The following CCDC194 variants were observed in gnomAD, a reference collection of about 807,000 sequenced individuals.
CCDC194 encodes the protein coiled-coil domain-containing protein 194.
A neutral mutation model predicts 4.9 loss-of-function variants in CCDC194; 8 were observed. That is an observed-to-expected ratio of 1.65 (90% CI 0.97 to 2.97). CCDC194 has a LOEUF of 2.97. Ranked by LOEUF, CCDC194 falls within the 30% of genes most tolerant of loss-of-function variation. The probability of loss-of-function intolerance (pLI) is 0.00; values close to 1 mark genes in which losing one functional copy is unlikely to be tolerated. For synonymous variants in CCDC194, 13 were observed against 17.0 expected, an observed-to-expected ratio of 0.76 and a Z score of 0.58; for missense variants, 52 against 43.1, an observed-to-expected ratio of 1.21 and a Z score of -0.58.
At chr19:17,394,170 C>T (rs994045431), upstream of CCDC194, 6 of 391,088 alleles carry the variant, frequency 1.5e-5, no homozygotes, top group African/African-American at 1.0e-4. Context: ...CCGCGGTCCA[C>T]AGCTCTGGCC....
chr19:17,391,201 C>T lies in CCDC194; in HGVS notation c.554+10G>A, dbSNP rs2074653086. 5.0e-6 allele frequency: 2 copies of T among 399,094 alleles called. No individual in the cohort carries two copies. Among genetic ancestry groups the T allele is most frequent in the Non-Finnish European group, 4.4e-6 (1 of 226,518 alleles). 24.7% of individuals were successfully genotyped at this position (399,094 alleles called of 1,614,324 possible). ...ATCCGACCCCGCCCTCGGGCCAGCC[C>T]CTCACTCACAGGCGTTCGCGCAGCG... On this transcript the variant is annotated intron_variant, in intron 3 of 3. Coordinates refer to ENST00000636079, the Ensembl canonical transcript of CCDC194.
At chr19:17,389,069 G>T (rs2074645350), downstream of CCDC194, among the ~76,000 whole-genome samples, 1 of 152,116 alleles carries the variant, frequency 6.6e-6, no homozygotes, top group East Asian at 1.9e-4. Context: ...TGAACTCCTG[G>T]GCTCAAGTGA....
rs1216549854 is a variant in CCDC194 at position 17,391,741 on chromosome 19, C to T, written c.421+9G>A. On this transcript the variant is annotated intron_variant, in intron 2 of 3. Coordinates refer to ENST00000636079, the Ensembl canonical transcript of CCDC194. ...CTATCCCTGCCCACTCCCTTACACC[C>T]CAACGCACCTGTCAGCGCCCCGTTC... is the stretch of plus-strand genomic sequence containing the variant. 6.5e-7 allele frequency: 1 copy of T among 1,535,722 alleles called. No homozygotes were observed. Among genetic ancestry groups the T allele is most frequent in the Non-Finnish European group, 8.7e-7 (1 of 1,146,912 alleles).
chr19:17,389,916 A>G (rs767461068), downstream of CCDC194, among the ~76,000 whole-genome samples: 7 of 152,136 alleles, frequency 4.6e-5, no homozygotes, highest in African/African-American at 1.7e-4. Context: ...AGTGAGCCCA[A>G]ATTGTGCCAC....
downstream of CCDC194, among the ~76,000 whole-genome samples, chr19:17,390,045 G>C (rs2074648305): frequency 6.6e-6 from 1 of 152,188 alleles, no homozygotes; most frequent in Non-Finnish European, 1.5e-5. This position sits in a 1 kb window ranked among gnomAD's most constrained non-coding sequence, Gnocchi z 5.5. Flanking sequence ...TTCTCACAGG[G>C]TTAGGGATTT....
intron 1 of CCDC194, 34 bp from the exon 2 acceptor site, chr19:17,391,880 G>A: frequency 6.8e-7 from 1 of 1,469,968 alleles, no homozygotes; most frequent in East Asian, 2.5e-5. Context: ...AGGGGGTGTA[G>A]GCAGAGGAGA....
At chr19:17,392,072 C>T (rs2074656731) in intron 1 of CCDC194, 2 of 449,074 alleles carry the variant, frequency 4.5e-6, no homozygotes, top group Non-Finnish European at 7.9e-6. Context: ...CTGCCCAGGT[C>T]CAACGCCACC....
chr19:17,393,365 G>A (rs1172474459), intron 1 of CCDC194, among the ~76,000 whole-genome samples: 4 of 148,422 alleles, frequency 2.7e-5, no homozygotes, highest in African/African-American at 7.6e-5. Flanking sequence ...AAATAGCAAA[G>A]GACAGTGAGA....
intron 1 of CCDC194, among the ~76,000 whole-genome samples, chr19:17,393,470 C>T (rs2074662738): frequency 6.8e-6 from 1 of 147,964 alleles, no homozygotes; most frequent in Non-Finnish European, 1.5e-5. Flanking sequence ...CTCACTGCAA[C>T]CTCCACCTTC....
chr19:17,393,450 G>A (rs1372719149), intron 1 of CCDC194, among the ~76,000 whole-genome samples: 5 of 146,354 alleles, frequency 3.4e-5, no homozygotes, highest in Admixed American at 7.0e-5. Flanking sequence ...GTGCAGTGGC[G>A]CGGTCTCAGC....
intron 2 of CCDC194, 172 bp from the exon 3 acceptor site, chr19:17,391,515 G>T: frequency 1.1e-6 from 1 of 924,928 alleles, no homozygotes; most frequent in Non-Finnish European, 1.6e-6. Context: ...GCTTTTCATA[G>T]GTTTGCATTG....
chr19:17,387,280 G>A (rs59725062), downstream of CCDC194, among the ~76,000 whole-genome samples: 3,637 of 152,176 alleles, frequency 0.024, 149 homozygotes, highest in African/African-American at 0.083. Context: ...TTTTACAAAA[G>A]GTACATAGAG....
chr19:17,388,462 C>T (rs763587301), downstream of CCDC194, among the ~76,000 whole-genome samples: 9 of 151,466 alleles, frequency 5.9e-5, no homozygotes, highest in Non-Finnish European at 8.8e-5. Flanking sequence ...CACCCTAGCA[C>T]GATCTTGGCT....
downstream of CCDC194, among the ~76,000 whole-genome samples, chr19:17,387,407 C>T (rs1482664045): frequency 1.3e-5 from 2 of 150,366 alleles, no homozygotes; most frequent in Non-Finnish European, 3.0e-5. Flanking sequence ...TCCCCAAGCC[C>T]TACACACACA....
At chr19:17,393,853 C>T in exon 1 of CCDC194, 1 of 397,566 alleles carries the variant, frequency 2.5e-6, no homozygotes, top group East Asian at 3.6e-5. Flanking sequence ...CTTCACAGGC[C>T]TTTAATGCCT....
exon 1 of CCDC194, chr19:17,394,059 C>T: frequency 2.6e-6 from 1 of 389,544 alleles, no homozygotes; most frequent in Non-Finnish European, 4.5e-6. Flanking sequence ...TTCCAGGCTA[C>T]CAGGGCCCCG....
chr19:17,389,030 G>A (rs1440053635), downstream of CCDC194, among the ~76,000 whole-genome samples: 3 of 152,072 alleles, frequency 2.0e-5, no homozygotes, highest in African/African-American at 4.8e-5. Context: ...TGTAGAGACA[G>A]GTTCTTGCTA....
downstream of CCDC194, among the ~76,000 whole-genome samples, chr19:17,387,515 C>T (rs2074640043): frequency 1.3e-5 from 2 of 152,110 alleles, no homozygotes; most frequent in South Asian, 2.1e-4. Flanking sequence ...GTTAGCAATT[C>T]GAGACCAGCC....
chr19:17,390,471 T>C, downstream of CCDC194: 1 of 390,854 alleles, frequency 2.6e-6, no homozygotes, highest in Non-Finnish European at 4.5e-6. The surrounding 1 kb of genome is among the most constrained non-coding windows in gnomAD (Gnocchi z 5.5). Context: ...CCCATATGTG[T>C]CCTCCAGGCC....
Sources: gnomAD v4.1 joint callset for allele counts (sites outside exome capture counted in the v4.1 genomes callset) on GRCh38, gnomAD v4.1.1 for gene constraint, Gnocchi (gnomAD v3.1) non-coding constraint, MANE v1.5 for transcripts, NCBI Gene and HGNC (gene_info 2026-07-23, HGNC 2026-07-21) for gene names.